Variants in SLC29A4 observed in about 807,000 individuals in gnomAD.
SLC29A4 encodes equilibrative nucleoside transporter 4.
A neutral mutation model predicts 43.9 loss-of-function variants in SLC29A4; 36 were observed. The ratio of observed to expected loss-of-function variants is 0.82; its 90% CI spans 0.63 to 1.08. The LOEUF is 1.08. Among genes scored for constraint, SLC29A4 ranks in the 50% least tolerant of loss-of-function variants. The probability of loss-of-function intolerance (pLI) is 0.00; values close to 1 mark genes in which losing one functional copy is unlikely to be tolerated. For synonymous variants in SLC29A4, 491 were observed against 338.0 expected (o/e 1.45, Z -4.97); for missense variants, 869 against 755.3 (o/e 1.15, Z -1.77).
At position 5,300,524 on chromosome 7, in the gene SLC29A4, A is replaced by G. The variant is rs753929061; in HGVS notation, c.1312A>G (p.Ser438Gly). 2.5e-6 allele frequency: 4 copies of G among 1,612,166 alleles called. No individual in the cohort carries two copies. Among genetic ancestry groups the G allele is most frequent in the Admixed American group, 3.3e-5 (2 of 60,020 alleles). The change falls in exon 10 of 11, where the codon AGC (serine) becomes GGC (glycine). Residue 438 changes from serine to glycine, a missense_variant. Physicochemically the swap from Ser to Gly is moderately conservative, Grantham distance 56. Transcript: ENST00000396872. ...IPLFILCVYPSGMPALRHPAW... is the reference protein window; with the variant it reads ...IPLFILCVYPGGMPALRHPAW... ...CCTCTTCATCCTGTGCGTCTACCCC[A>G]GCGGCATGCCCGCCCTCCGTCACCC...
chr7:5,290,966 T>G (rs1785266617), intron 3 of SLC29A4, 103 bp downstream of exon 3: 8 of 1,542,952 alleles, frequency 5.2e-6, no homozygotes, highest in Non-Finnish European at 7.0e-6. Flanking sequence ...GGGACCTGTT[T>G]TATTCAGATC....
chr7:5,284,021 T>A (rs1252738703), intron 1 of SLC29A4, among the ~76,000 whole-genome samples: 1 of 139,950 alleles, frequency 7.1e-6, no homozygotes, highest in African/African-American at 2.7e-5. Flanking sequence ...GGCTCCAGTC[T>A]GAGCTGCACG....
At chr7:5,295,852 C>T (rs960827899) in intron 6 of SLC29A4, among the ~76,000 whole-genome samples, 1 of 152,094 alleles carries the variant, frequency 6.6e-6, no homozygotes, top group African/African-American at 2.4e-5. Context: ...AGAATTGTGC[C>T]GGCACACTGA....
At position 5,285,004 on chromosome 7, in the gene SLC29A4, G is replaced by A. The variant is rs1784863186; in HGVS notation, c.-9+1922G>A. ...TCAGATGTCCTCCTGGGCTGGGCTG[G>A]CATCCTGAGCAGGTGGCAGGAGGAG... On this transcript the variant is annotated intron_variant, in intron 1 of 10. Coordinates refer to ENST00000396872, the MANE Select transcript of SLC29A4 (RefSeq NM_153247.4). Among the ~76,000 whole-genome samples, 5 of 152,292 alleles carry A rather than the reference G, an allele frequency of 3.3e-5. No homozygotes were observed. The South Asian group carries it at 1.0e-3, about 32-fold the overall frequency.
At chr7:5,283,889 G>T (rs988219092) in intron 1 of SLC29A4, among the ~76,000 whole-genome samples, 102 of 152,292 alleles carry the variant, frequency 6.7e-4, no homozygotes, top group African/African-American at 2.4e-3. Context: ...GGAGGAGCGC[G>T]GCCCCCGAGT....
chr7:5,292,185 A>C (rs1489242125), intron 5 of SLC29A4, among the ~76,000 whole-genome samples: 1 of 152,098 alleles, frequency 6.6e-6, no homozygotes, highest in Non-Finnish European at 1.5e-5. Flanking sequence ...ATCATAGCTC[A>C]CTGCAGCCTC....
At chr7:5,293,987 T>A (rs1434239336) in intron 5 of SLC29A4, among the ~76,000 whole-genome samples, 2 of 151,768 alleles carry the variant, frequency 1.3e-5, no homozygotes, top group Non-Finnish European at 2.9e-5. Context: ...GTGCCTGTAA[T>A]CCCAGTTACT....
intron 4 of SLC29A4, among the ~76,000 whole-genome samples, 170 bp downstream of exon 4, chr7:5,291,407 C>T (rs2128088178): frequency 6.6e-6 from 1 of 152,332 alleles, no homozygotes; most frequent in African/African-American, 2.4e-5. Context: ...GGCCTCTGTA[C>T]CCCAAGTCAT....
At chr7:5,294,679 G>A (rs1785528420) in intron 5 of SLC29A4, among the ~76,000 whole-genome samples, 181 bp from the exon 6 acceptor site, 1 of 152,158 alleles carries the variant, frequency 6.6e-6, no homozygotes, top group Admixed American at 6.5e-5. Flanking sequence ...CAATGACCCT[G>A]GCTGACCCCA....
At chr7:5,299,489 C>A (rs1785980780) in intron 9 of SLC29A4, 62 bp downstream of exon 9, 3 of 1,532,104 alleles carry the variant, frequency 2.0e-6, no homozygotes, top group Non-Finnish European at 8.8e-7. Flanking sequence ...CAAGGGAGGC[C>A]CTGGCCTATC....
At chr7:5,300,165 G>C (rs983876592) in intron 9 of SLC29A4, among the ~76,000 whole-genome samples, 3 of 152,214 alleles carry the variant, frequency 2.0e-5, no homozygotes, top group African/African-American at 7.2e-5. Flanking sequence ...CCGGGAGTTT[G>C]AGGCTGCAGT....
intron 2 of SLC29A4, 139 bp from the exon 3 acceptor site, chr7:5,290,593 C>G (rs1051294427): frequency 6.8e-6 from 8 of 1,168,478 alleles, no homozygotes; most frequent in Non-Finnish European, 9.4e-6. Flanking sequence ...ACAGAGGTAT[C>G]TGGAACAGAG....
At chr7:5,295,953 A>G (rs1404392443) in intron 6 of SLC29A4, among the ~76,000 whole-genome samples, 1 of 145,054 alleles carries the variant, frequency 6.9e-6, no homozygotes, top group Admixed American at 6.9e-5. Flanking sequence ...ATGGCCCACC[A>G]TGGCCCTGAC....
At chr7:5,296,908 G>T in intron 6 of SLC29A4, 28 bp from the exon 7 acceptor site, 1 of 1,555,858 alleles carries the variant, frequency 6.4e-7, no homozygotes, top group Non-Finnish European at 8.6e-7. Context: ...GGCGGATCAG[G>T]CCCCGGCCCA....
chr7:5,284,037 C>CA (rs1002616436), intron 1 of SLC29A4, among the ~76,000 whole-genome samples: 1 of 101,162 alleles, frequency 9.9e-6, no homozygotes, highest in African/African-American at 3.4e-5. Flanking sequence ...GCACGACCCC[C>CA]CCCCCCACCC....
intron 2 of SLC29A4, among the ~76,000 whole-genome samples, chr7:5,289,895 T>G (rs1000463913): frequency 3.4e-4 from 51 of 152,108 alleles, no homozygotes; most frequent in African/African-American, 1.0e-3. Flanking sequence ...ATTTTATTTT[T>G]TATTTTTTTG....
At chr7:5,294,462 CT>C (rs1452926321) in intron 5 of SLC29A4, among the ~76,000 whole-genome samples, 1 of 152,144 alleles carries the variant, frequency 6.6e-6, no homozygotes, top group African/African-American at 2.4e-5. Context: ...CTTTTGCTGC[CT>C]GTCTTCTCTG....
At position 5,302,996 on chromosome 7, in the gene SLC29A4, G is replaced by C; in HGVS notation, c.*57G>C. ...GGCCTGACCAGGGGCCCCGAGGCCT[G>C]AGGGCCCCTCCCCTGTCCCCACCTC... On this transcript the variant is annotated 3_prime_UTR_variant, in exon 11 of 11. Transcript: ENST00000396872. 6.4e-7 allele frequency: 1 copy of C among 1,559,158 alleles called. No homozygotes were observed. The highest frequency in any genetic ancestry group is 1.2e-5 in the South Asian group (1 of 85,534).
Position 5,305,698 on chromosome 7 carries a change from C to G in SLC29A4, c.*2759C>G, listed in dbSNP as rs1583693361. The G allele has an allele frequency of 6.6e-6, 1 of 151,612 alleles. No individual in the cohort carries two copies. Among genetic ancestry groups the G allele is most frequent in the East Asian group, 2.0e-4 (1 of 5,118 alleles). The allele number at this position is 151,612 out of a possible 1,614,324, so 9.4% of individuals were successfully genotyped here. On this transcript the variant is annotated 3_prime_UTR_variant, in exon 11 of 11. Coordinates refer to ENST00000396872, the MANE Select transcript of SLC29A4 (RefSeq NM_153247.4). Reference sequence around the variant, plus strand: ...TCAGCCTCCCGAGTAGCTGGGATTACAGGCATGTGCCACCATGCCCGGCTA... The same window carrying G: ...TCAGCCTCCCGAGTAGCTGGGATTAGAGGCATGTGCCACCATGCCCGGCTA...
Sources: gnomAD v4.1 joint callset for allele counts (sites outside exome capture counted in the v4.1 genomes callset) on GRCh38, gnomAD v4.1.1 for gene constraint, MANE v1.5 for transcripts, NCBI Gene and HGNC (gene_info 2026-07-23, HGNC 2026-07-21) for gene names.